The following FAT4 variants were observed in gnomAD, a reference collection of about 807,000 sequenced individuals.
FAT4 encodes the protein FAT atypical cadherin 4, also known as protocadherin Fat 4.
Under a neutral mutation model 303.9 loss-of-function variants are expected in FAT4, and 84 were observed. That is an observed-to-expected ratio of 0.28 (90% CI 0.23 to 0.33). FAT4 has a LOEUF of 0.33. Among genes scored for constraint, FAT4 ranks in the 10% least tolerant of loss-of-function variants. The pLI, the probability that FAT4 is intolerant of heterozygous loss-of-function variation, is 1.00. For missense variants in FAT4, 6,005 were observed against 6,146.8 expected, an observed-to-expected ratio of 0.98 and a Z score of 0.77; for synonymous variants, 2,307 against 2,298.8, an observed-to-expected ratio of 1.00 and a Z score of -0.10.
intron 16 of FAT4, 104 bp from the exon 17 acceptor site, chr4:125,487,241 C>A: frequency 1.0e-6 from 1 of 965,172 alleles, no homozygotes; most frequent in Non-Finnish European, 1.5e-6. Flanking sequence ...TTCAGCTATT[C>A]TATCTGCTGT....
chr4:125,385,669 T>A (rs955430295), intron 2 of FAT4, among the ~76,000 whole-genome samples: 7 of 152,158 alleles, frequency 4.6e-5, no homozygotes, highest in Admixed American at 3.3e-4. Flanking sequence ...ATGGAGATGG[T>A]TAGTTGTAGT....
intron 16 of FAT4, among the ~76,000 whole-genome samples, chr4:125,482,079 A>G (rs1727250211): frequency 6.6e-6 from 1 of 152,228 alleles, no homozygotes; most frequent in Non-Finnish European, 1.5e-5. Context: ...CAAAAATATA[A>G]TGTTTGTTTG....
chr4:125,401,876 TG>T (rs1227766413), intron 3 of FAT4, among the ~76,000 whole-genome samples: 1 of 151,994 alleles, frequency 6.6e-6, no homozygotes, highest in Non-Finnish European at 1.5e-5. Context: ...TCCTTCTATG[TG>T]CTTTTGTCTC....
At chr4:125,475,906 A>G (rs1727011535) in intron 12 of FAT4, among the ~76,000 whole-genome samples, 1 of 152,064 alleles carries the variant, frequency 6.6e-6, no homozygotes, top group Non-Finnish European at 1.5e-5. Flanking sequence ...TTTTTCACCT[A>G]TAAAACAGGG....
intron 3 of FAT4, among the ~76,000 whole-genome samples, chr4:125,399,859 T>C (rs1007476382): frequency 3.9e-5 from 6 of 151,996 alleles, no homozygotes; most frequent in Admixed American, 6.6e-5. Context: ...TTTTACAATG[T>C]GAAGTTCACA....
chr4:125,449,313 A>G lies in FAT4; in HGVS notation c.8303A>G (p.Glu2768Gly). The G allele has an allele frequency of 2.5e-6, 4 of 1,613,956 alleles. No homozygotes were observed. Among genetic ancestry groups the G allele is most frequent in the African/African-American group, 1.3e-5 (1 of 75,046 alleles). The change falls in exon 10 of 18, where the codon GAA becomes GGA. Residue 2768 changes from glutamate to glycine, a missense_variant. Physicochemically the swap from Glu to Gly is moderately conservative, Grantham distance 98. Transcript: ENST00000394329. ...AAAGTCATGATTAACATTTTAGATG[A>G]AAATGATAATGCCCCTAGGTTTTCT... ...SVKVMINILDENDNAPRFSQI... is the reference protein window; with the variant it reads ...SVKVMINILDGNDNAPRFSQI...
In FAT4 at chr4:125,449,965, T is replaced by C. The variant is rs1329692688; in HGVS notation, c.8955T>C (p.Phe2985=). ...ACAGTAATGACAATGCACCTCAATT[T>C]CTTAAAAGTAAATATTTCACTCCAG... is the stretch of plus-strand genomic sequence containing the variant. ...IVDSNDNAPQ[F]LKSKYFTPVT... Residue 2985 remains phenylalanine, a synonymous_variant, in exon 10 of 18, where the codon TTT becomes TTC. Transcript: ENST00000394329. The C allele has an allele frequency of 6.2e-7, 1 of 1,613,800 alleles. No individual in the cohort carries two copies.
chr4:125,451,282 T>G lies in FAT4; in HGVS notation c.10272T>G (p.His3424Gln). The change falls in exon 10 of 18, where the codon CAT becomes CAG. Residue 3424 changes from histidine to glutamine, a missense_variant. Physicochemically the swap from His to Gln is conservative, Grantham distance 24. Transcript: ENST00000394329. ...GTGAAGGGGTCCCAATAGGAACTCA[T>G]GTGACCTTTGTCAGTGCCTTTGACT... is the stretch of plus-strand genomic sequence containing the variant. ...QISEGVPIGT[H>Q]VTFVSAFDSD... 1 of 1,614,142 alleles carries G rather than the reference T, an allele frequency of 6.2e-7. No homozygotes were observed. Among genetic ancestry groups the G allele is most frequent in the Non-Finnish European group, 8.5e-7 (1 of 1,180,018 alleles).
intron 16 of FAT4, among the ~76,000 whole-genome samples, chr4:125,483,742 G>T (rs964726208): frequency 6.6e-6 from 1 of 151,970 alleles, no homozygotes; most frequent in Non-Finnish European, 1.5e-5. Flanking sequence ...GGCTTGGCAG[G>T]TAAAGAGAAT....
rs1730612686 is a variant in FAT4 at position 125,316,650 on chromosome 4, T to G, written c.239T>G (p.Leu80Arg). ...TACAGGCTCAGCGAAAGCCACGCCC[T>G]GTTTGCCATAAACAGTAGCACCGGA... ...FTYRLSESHALFAINSSTGAL... is the reference protein window; with the variant it reads ...FTYRLSESHARFAINSSTGAL... The change falls in exon 2 of 18, where the codon CTG becomes CGG. Residue 80 changes from leucine (L) to arginine (R), a missense_variant. Coordinates refer to ENST00000394329, the MANE Select transcript of FAT4 (RefSeq NM_001291303.3). The surrounding 1 kb of genome is among the most constrained non-coding windows in gnomAD (Gnocchi z 5.7). 6.2e-7 allele frequency: 1 copy of G among 1,613,822 alleles called. No homozygotes were observed. The highest frequency in any genetic ancestry group is 8.5e-7 in the Non-Finnish European group (1 of 1,180,020).
At chr4:125,388,001 A>G (rs1733826366) in intron 2 of FAT4, among the ~76,000 whole-genome samples, 1 of 152,202 alleles carries the variant, frequency 6.6e-6, no homozygotes, top group African/African-American at 2.4e-5. Flanking sequence ...GCTAGACTCA[A>G]CTAGGAAGCT....
chr4:125,481,846 T>TGCCCAGCATTAG, intron 16 of FAT4, 108 bp downstream of exon 16: 1 of 881,872 alleles, frequency 1.1e-6, no homozygotes, highest in Non-Finnish European at 1.8e-6. Context: ...CCCATTAGAG[T>TGCCCAGCATTAG]TCCGACTAAT....
chr4:125,316,543 G>C lies in FAT4; in HGVS notation c.132G>C (p.Glu44Asp), dbSNP rs763601689. The C allele has an allele frequency of 2.5e-6, 4 of 1,613,894 alleles. No individual in the cohort carries two copies. The highest frequency in any genetic ancestry group is 1.6e-4 in the Middle Eastern group (1 of 6,084). Residue 44 changes from glutamate to aspartate, a missense_variant, in exon 2 of 18, where the codon GAG (glutamate) becomes GAC (aspartate). Glu to Asp is a conservative substitution (Grantham distance 45). Transcript: ENST00000394329. The surrounding 1 kb of genome is among the most constrained non-coding windows in gnomAD (Gnocchi z 5.7). ...GGCAGGCCTGGGTCCACGGGGCCGA[G>C]CCGCGCCAGGTGTTCCAAGTGCTGG... ...LPGQAWVHGA[E>D]PRQVFQVLEE...
intron 2 of FAT4, among the ~76,000 whole-genome samples, chr4:125,368,659 C>T (rs1233558203): frequency 3.3e-5 from 5 of 150,742 alleles, no homozygotes; most frequent in East Asian, 3.9e-4. Context: ...AAAAAAATAC[C>T]GCATACACAC....
At chr4:125,455,032 A>T (rs1268180471) in intron 10 of FAT4, among the ~76,000 whole-genome samples, 1 of 152,174 alleles carries the variant, frequency 6.6e-6, no homozygotes, top group Non-Finnish European at 1.5e-5. Flanking sequence ...GATCATGAAT[A>T]ATAGAGCTAT....
intron 7 of FAT4, among the ~76,000 whole-genome samples, chr4:125,419,538 C>T (rs866490768): frequency 1.3e-5 from 2 of 152,130 alleles, no homozygotes; most frequent in African/African-American, 4.8e-5. Context: ...AACAGGCAAC[C>T]CAAGAACATT....
intron 7 of FAT4, among the ~76,000 whole-genome samples, chr4:125,426,722 T>C (rs377639342): frequency 1.3e-5 from 2 of 152,128 alleles, no homozygotes; most frequent in East Asian, 1.9e-4. Flanking sequence ...TTCCATAGAA[T>C]TGAAATTTGA....
chr4:125,400,998 G>A (rs1031111062), intron 3 of FAT4, among the ~76,000 whole-genome samples: 1 of 151,864 alleles, frequency 6.6e-6, no homozygotes, highest in African/African-American at 2.4e-5. Context: ...CTTATAACTC[G>A]ATTTGTTTGT....
intron 17 of FAT4, 56 bp from the exon 18 acceptor site, chr4:125,489,845 C>CTT (rs1194555502): frequency 2.2e-6 from 1 of 465,042 alleles, no homozygotes; most frequent in Non-Finnish European, 3.1e-6. Flanking sequence ...GTAGTATAAG[C>CTT]TCTTTTTTTT....
Sources: gnomAD v4.1 joint callset for allele counts (sites outside exome capture counted in the v4.1 genomes callset) on GRCh38, gnomAD v4.1.1 for gene constraint, Gnocchi (gnomAD v3.1) non-coding constraint, MANE v1.5 for transcripts, NCBI Gene and HGNC (gene_info 2026-07-23, HGNC 2026-07-21) for gene names.